C2CD3: variants seen among roughly 807,000 people sequenced by gnomAD.
C2CD3 encodes C2 domain containing 3 centriole elongation regulator, also known as C2 domain-containing protein 3.
C2CD3 carries 148 observed loss-of-function variants against 234.0 expected under a neutral mutation model. The observed-to-expected ratio is 0.63, with a 90% CI of 0.55 to 0.72. C2CD3 has a LOEUF of 0.72. C2CD3 is among the 30% of genes least tolerant of loss of function. The pLI is 0.00. For synonymous variants in C2CD3, 1,000 were observed against 1,035.4 expected, an observed-to-expected ratio of 0.97 and a Z score of 0.66; for missense variants, 2,577 against 2,811.5, an observed-to-expected ratio of 0.92 and a Z score of 1.89.
intron 31 of C2CD3, among the ~76,000 whole-genome samples, 182 bp from the exon 32 acceptor site, chr11:74,028,580 A>G (rs147957829): frequency 5.3e-5 from 8 of 152,236 alleles, no homozygotes; most frequent in African/African-American, 1.4e-4. Flanking sequence ...CCTAACACAT[A>G]TAAGTTTTTT....
At chr11:74,124,160 T>C (rs1317547894) in intron 7 of C2CD3, among the ~76,000 whole-genome samples, 10 of 152,194 alleles carry the variant, frequency 6.6e-5, no homozygotes, top group Non-Finnish European at 1.5e-4. Context: ...TAAGCACCTG[T>C]TAGTGAACTT....
At chr11:74,030,787 C>G (rs1952491020) in intron 31 of C2CD3, among the ~76,000 whole-genome samples, 1 of 152,172 alleles carries the variant, frequency 6.6e-6, no homozygotes, top group South Asian at 2.1e-4. Context: ...GGCACATGCC[C>G]CAAACGGCAA....
In C2CD3 at chr11:74,078,422, ATTC is replaced by A; in HGVS notation, c.4293_4295del (p.Lys1431del). On this transcript the variant is annotated inframe_deletion, in exon 23 of 33. Transcript: ENST00000334126. ...ACTTGTAGCGAAGGTAGCAATATGT[ATTC>A]TTATGAATGTGGTTGTGGCCAGCAA... is the stretch of plus-strand genomic sequence containing the variant. 6.2e-7 allele frequency: 1 copy of A among 1,614,206 alleles called. No individual in the cohort carries two copies. Among genetic ancestry groups the A allele is most frequent in the Non-Finnish European group, 8.5e-7 (1 of 1,180,036 alleles).
In C2CD3 at chr11:74,013,594, T is replaced by A. The variant is rs1951771385; in HGVS notation, c.6922-69A>T. 5 of 1,003,870 alleles carry A rather than the reference T, an allele frequency of 5.0e-6. No homozygotes were observed. The South Asian group carries it at 1.7e-4, about 35-fold the overall frequency. The allele number at this position is 1,003,870 out of a possible 1,614,324, so 62.2% of individuals were successfully genotyped here. A position where few individuals can be genotyped will look rare whatever the true frequency, so the allele number is the denominator to read the frequency against. On this transcript the variant is annotated intron_variant, in intron 32 of 32. Coordinates refer to ENST00000334126, the MANE Select transcript of C2CD3 (RefSeq NM_001286577.2). The stretch of plus-strand genomic sequence containing the variant: ...ACCACCAATGGATGACGCTGGTTTC[T>A]CTCATCTTTTGGTCCTTTGGTTAAT...
At chr11:74,022,984 A>G (rs2135403800) in intron 32 of C2CD3, among the ~76,000 whole-genome samples, 1 of 152,342 alleles carries the variant, frequency 6.6e-6, no homozygotes, top group African/African-American at 2.4e-5. Flanking sequence ...CCACCCTGTG[A>G]GGCCTGATAA....
chr11:74,162,820 A>G (rs1856561702), intron 2 of C2CD3, among the ~76,000 whole-genome samples: 1 of 152,164 alleles, frequency 6.6e-6, no homozygotes, highest in Non-Finnish European at 1.5e-5. Flanking sequence ...TTTCATTCTC[A>G]CCATTTCTAG....
chr11:74,145,886 T>C (rs769613185), intron 3 of C2CD3, among the ~76,000 whole-genome samples: 3 of 152,246 alleles, frequency 2.0e-5, no homozygotes, highest in African/African-American at 4.8e-5. Flanking sequence ...ACCACCTACC[T>C]ATATGTCCTG....
intron 3 of C2CD3, among the ~76,000 whole-genome samples, chr11:74,155,774 TC>T (rs1473274127): frequency 6.6e-6 from 1 of 152,194 alleles, no homozygotes; most frequent in East Asian, 1.9e-4. Flanking sequence ...GTACAGTGTT[TC>T]TTTTTGGGGT....
chr11:74,059,250 C>A (rs826051), intron 24 of C2CD3, among the ~76,000 whole-genome samples: 18,160 of 151,236 alleles, frequency 0.12, 3,446 homozygotes, highest in African/African-American at 0.41. Context: ...CTCTACTAAA[C>A]AATACAAAAA....
rs903601825 is a variant in C2CD3 at position 74,014,195 on chromosome 11, T to C, written c.6922-670A>G. Among the ~76,000 whole-genome samples the C allele has an allele frequency of 2.0e-5, 3 of 152,328 alleles. No homozygotes were observed. In the South Asian group the frequency reaches 6.2e-4, roughly 32 times the overall value. Reference sequence around the variant, plus strand: ...TTTTTCTTACTCCATGTCAGGCTCCTGTGCTGAAGGAGCTCAAAGCTATAC... The same window carrying C: ...TTTTTCTTACTCCATGTCAGGCTCCCGTGCTGAAGGAGCTCAAAGCTATAC... On this transcript the variant is annotated intron_variant, in intron 32 of 32. Transcript: ENST00000334126.
At chr11:74,165,488 T>C (rs550823669) in intron 2 of C2CD3, among the ~76,000 whole-genome samples, 200 of 152,352 alleles carry the variant, frequency 1.3e-3, no homozygotes, top group African/African-American at 4.7e-3. Context: ...AGTTTACTTT[T>C]TGCATTTTGT....
intron 26 of C2CD3, among the ~76,000 whole-genome samples, chr11:74,050,093 T>C (rs1953604676): frequency 6.6e-6 from 1 of 152,186 alleles, no homozygotes; most frequent in South Asian, 2.1e-4. Flanking sequence ...CCTCTTGATA[T>C]AGGCAATTAG....
chr11:74,115,211 T>C (rs535971638), intron 9 of C2CD3, among the ~76,000 whole-genome samples: 10 of 150,864 alleles, frequency 6.6e-5, no homozygotes, highest in Middle Eastern at 6.8e-3. Context: ...CACACACACA[T>C]ACATACATAT....
chr11:74,066,708 G>A (rs958206694), intron 24 of C2CD3, among the ~76,000 whole-genome samples: 3 of 151,002 alleles, frequency 2.0e-5, no homozygotes, highest in African/African-American at 7.3e-5. Context: ...AAACTTGAAT[G>A]TGACATGCAT....
At chr11:74,092,621 A>G (rs1955940758) in intron 18 of C2CD3, 33 bp from the exon 19 acceptor site, 1 of 1,574,276 alleles carries the variant, frequency 6.4e-7, no homozygotes, top group Non-Finnish European at 8.7e-7. Flanking sequence ...TTGTCAGAAG[A>G]ATTAGGTGAT....
In C2CD3 at chr11:74,136,616, T is replaced by C. The variant is rs1259566632; in HGVS notation, c.955+2104A>G. 2.0e-5 allele frequency among the ~76,000 whole-genome samples: 3 copies of C among 152,212 alleles called. No individual in the cohort carries two copies. The South Asian group carries it at 6.2e-4, about 32-fold the overall frequency. On this transcript the variant is annotated intron_variant, in intron 5 of 32. Coordinates refer to ENST00000334126, the MANE Select transcript of C2CD3 (RefSeq NM_001286577.2). ...ACCTCACGTGACTTTTGTAAGATTATGTATATAAAGCACTTGGCATAGTAG... is the reference window on the plus strand; with the variant it reads ...ACCTCACGTGACTTTTGTAAGATTACGTATATAAAGCACTTGGCATAGTAG...
Position 74,103,132 on chromosome 11 carries a change from T to C in C2CD3, c.2579A>G (p.Gln860Arg). Reference sequence around the variant, plus strand: ...TGGATATGGAATGTACAAAGTTACCTGAGAAAAGTTAAAGACCGGTTGTGT... The same window carrying C: ...TGGATATGGAATGTACAAAGTTACCCGAGAAAAGTTAAAGACCGGTTGTGT... ...GTTQPVFNFS[Q>R]VIPVSLSSKY... Residue 860 changes from glutamine (Q) to arginine (R), a missense_variant and splice_region_variant, in exon 14 of 33, where the codon CAG becomes CGG. Physicochemically the swap from Gln to Arg is conservative, Grantham distance 43 (BLOSUM62 1). Coordinates refer to ENST00000334126, the MANE Select transcript of C2CD3 (RefSeq NM_001286577.2). 1.2e-6 allele frequency: 2 copies of C among 1,607,432 alleles called. No individual in the cohort carries two copies. The highest frequency in any genetic ancestry group is 1.1e-5 in the South Asian group (1 of 90,508).
chr11:74,133,376 C>T lies in C2CD3; in HGVS notation c.1088+49G>A, dbSNP rs374415312. 1.9e-6 allele frequency: 3 copies of T among 1,555,598 alleles called. No homozygotes were observed. In the African/African-American group the frequency reaches 4.1e-5, roughly 21 times the overall value. ...TAACTTGACAAAAAACACAGGTTAACAACTATTAAGAAATGAACTGTTAAG... is the reference window on the plus strand; with the variant it reads ...TAACTTGACAAAAAACACAGGTTAATAACTATTAAGAAATGAACTGTTAAG... On this transcript the variant is annotated intron_variant, in intron 6 of 32. Coordinates refer to ENST00000334126, the MANE Select transcript of C2CD3 (RefSeq NM_001286577.2).
At chr11:74,137,508 G>A (rs7951239) in intron 5 of C2CD3, among the ~76,000 whole-genome samples, 42,614 of 150,612 alleles carry the variant, frequency 0.28, 7,037 homozygotes, top group African/African-American at 0.46. Flanking sequence ...ATTAAAGACT[G>A]AAATTAATAG....
Sources: allele counts gnomAD v4.1 joint callset (sites outside exome capture counted in the v4.1 genomes callset), GRCh38; gene constraint gnomAD v4.1.1; transcripts MANE v1.5; gene names NCBI Gene and HGNC (gene_info 2026-07-23, HGNC 2026-07-21).